UST: variants seen among roughly 807,000 people sequenced by gnomAD.
UST encodes uronyl 2-sulfotransferase.
UST carries 21 observed loss-of-function variants against 45.6 expected under a neutral mutation model. That is an observed-to-expected ratio of 0.46 (90% CI 0.33 to 0.66). The LOEUF is 0.66. Ranked by LOEUF, UST falls within the 30% of genes least tolerant of loss-of-function variation. The probability of loss-of-function intolerance (pLI) is 0.02; values close to 1 mark genes in which losing one functional copy is unlikely to be tolerated. For missense variants in UST, 463 were observed against 512.4 expected, an observed-to-expected ratio of 0.90 and a Z score of 0.93; for synonymous variants, 215 against 200.6, an observed-to-expected ratio of 1.07 and a Z score of -0.61.
chr6:148,901,927 G>C (rs907443450), intron 2 of UST, among the ~76,000 whole-genome samples: 2 of 152,144 alleles, frequency 1.3e-5, no homozygotes, highest in South Asian at 2.1e-4. Flanking sequence ...AACTGACAGA[G>C]GGCTGCAAGA....
At chr6:148,901,484 A>C (rs1248846032) in intron 2 of UST, among the ~76,000 whole-genome samples, 1 of 151,950 alleles carries the variant, frequency 6.6e-6, no homozygotes, top group Admixed American at 6.6e-5. Context: ...ACTGTGGCAC[A>C]GAGCAGAGAG....
chr6:148,958,053 AC>A (rs1780559024), intron 4 of UST, among the ~76,000 whole-genome samples: 1 of 152,200 alleles, frequency 6.6e-6, no homozygotes. Context: ...AAGGCATTAT[AC>A]CATAGCTAAT....
At chr6:148,954,548 T>G (rs562568387) in intron 4 of UST, among the ~76,000 whole-genome samples, 1 of 152,322 alleles carries the variant, frequency 6.6e-6, no homozygotes, top group Non-Finnish European at 1.5e-5. Flanking sequence ...TTCAGTATAG[T>G]CACATGCTGT....
intron 3 of UST, among the ~76,000 whole-genome samples, chr6:148,943,981 G>T (rs1780182500): frequency 6.6e-6 from 1 of 152,182 alleles, no homozygotes; most frequent in Non-Finnish European, 1.5e-5. Flanking sequence ...AACCCAGTTT[G>T]AAGTTCAACA....
intron 5 of UST, among the ~76,000 whole-genome samples, chr6:148,997,941 A>G (rs1404770390): frequency 1.3e-5 from 2 of 152,204 alleles, no homozygotes; most frequent in African/African-American, 4.8e-5. Flanking sequence ...GGGCTGGCCT[A>G]AAAAATAATC....
chr6:148,913,005 G>A (rs1442753848), intron 2 of UST, among the ~76,000 whole-genome samples: 1 of 152,166 alleles, frequency 6.6e-6, no homozygotes, highest in Admixed American at 6.6e-5. Flanking sequence ...ACGCTTCCAG[G>A]TTATTTTAAT....
chr6:148,986,378 A>T (rs1223751453), intron 5 of UST, among the ~76,000 whole-genome samples: 1 of 152,220 alleles, frequency 6.6e-6, no homozygotes, highest in Non-Finnish European at 1.5e-5. Context: ...GCCTCAGTTC[A>T]TACCACTAGT....
rs908373014 is a variant in UST, at chr6:149,003,732, C to T, written c.682-15407C>T. ...GACCACATAACCTGGCAAAATTCTG[C>T]GTATTTGGCAGCTCTTCCTGCCCCG... is the stretch of plus-strand genomic sequence containing the variant. On this transcript the variant is annotated intron_variant, in intron 5 of 7. Coordinates refer to ENST00000367463, the MANE Select transcript of UST (RefSeq NM_005715.3). Among the ~76,000 whole-genome samples the T allele has an allele frequency of 2.0e-5, 3 of 152,158 alleles. No homozygotes were observed. The East Asian group carries it at 5.8e-4, about 29-fold the overall frequency.
intron 5 of UST, among the ~76,000 whole-genome samples, chr6:148,999,067 T>C (rs1490493762): frequency 6.6e-6 from 1 of 152,258 alleles, no homozygotes; most frequent in Admixed American, 6.5e-5. Flanking sequence ...GAGTAGTTTA[T>C]AGGTCATATA....
intron 1 of UST, among the ~76,000 whole-genome samples, chr6:148,801,526 A>C (rs763551227): frequency 6.6e-6 from 1 of 152,104 alleles, no homozygotes; most frequent in Non-Finnish European, 1.5e-5. Context: ...GCCCATAATG[A>C]GGCCAGCATC....
At chr6:148,854,269 C>T (rs116024712) in intron 1 of UST, among the ~76,000 whole-genome samples, 201 of 152,272 alleles carry the variant, frequency 1.3e-3, no homozygotes, top group African/African-American at 4.4e-3. Context: ...GGAATTGGGG[C>T]GTGGACTTGT....
chr6:148,776,073 CAT>C (rs1776529263), intron 1 of UST, among the ~76,000 whole-genome samples: 1 of 152,124 alleles, frequency 6.6e-6, no homozygotes, highest in Non-Finnish European at 1.5e-5. Flanking sequence ...TTTTAAAGGA[CAT>C]GTGAATTCCA....
intron 2 of UST, among the ~76,000 whole-genome samples, chr6:148,929,293 C>T (rs575702125): frequency 1.8e-4 from 28 of 152,274 alleles, no homozygotes; most frequent in African/African-American, 6.5e-4. Context: ...TTAATCTAAG[C>T]CTAGCATGGT....
chr6:148,934,403 T>C lies in UST; in HGVS notation c.292-6876T>C, dbSNP rs1168027664. Among the ~76,000 whole-genome samples the C allele has an allele frequency of 6.6e-6, 1 of 152,254 alleles. No individual in the cohort carries two copies. The highest frequency in any genetic ancestry group is 2.4e-5 in the African/African-American group (1 of 41,472). ...AAGCAAAGTCATTTCACAGTCAGTA[T>C]AATATTCATGCTAAGGGTCTAATGC... On this transcript the variant is annotated intron_variant, in intron 2 of 7. Transcript: ENST00000367463. This position sits in a 1 kb window ranked among gnomAD's most constrained non-coding sequence, Gnocchi z 4.1.
rs185709540 is a variant in UST at position 148,765,793 on chromosome 6, T to C, written c.247+18116T>C. 1.5e-3 allele frequency among the ~76,000 whole-genome samples: 228 copies of C among 152,334 alleles called. 2 individuals carry two copies. Among genetic ancestry groups the C allele is most frequent in the African/African-American group, 5.4e-3 (223 of 41,556 alleles). Reference sequence around the variant, plus strand: ...ATGTCCATGAAATCTTCACAATTTATGTTCTTCTGCCTTCAGCCTGTCCCT... The same window carrying C: ...ATGTCCATGAAATCTTCACAATTTACGTTCTTCTGCCTTCAGCCTGTCCCT... On this transcript the variant is annotated intron_variant, in intron 1 of 7. Coordinates refer to ENST00000367463, the MANE Select transcript of UST (RefSeq NM_005715.3).
At chr6:148,800,683 A>C (rs894073535) in intron 1 of UST, among the ~76,000 whole-genome samples, 10 of 151,784 alleles carry the variant, frequency 6.6e-5, no homozygotes, top group Admixed American at 2.0e-4. Context: ...TTTTTCTTGC[A>C]TAGTTACTGT....
intron 5 of UST, among the ~76,000 whole-genome samples, chr6:148,968,264 G>A (rs1780843633): frequency 6.6e-6 from 1 of 152,202 alleles, no homozygotes; most frequent in South Asian, 2.1e-4. Context: ...GCATCTTATA[G>A]CTATACCTTA....
chr6:148,904,340 T>C (rs1779318281), intron 2 of UST, among the ~76,000 whole-genome samples: 1 of 152,180 alleles, frequency 6.6e-6, no homozygotes, highest in Non-Finnish European at 1.5e-5. Flanking sequence ...TCATGGATGA[T>C]GAATCCACAG....
rs1450285391 is a variant in UST, at chr6:148,748,296, G to A, written c.247+619G>A. On this transcript the variant is annotated intron_variant, in intron 1 of 7. Coordinates refer to ENST00000367463, the MANE Select transcript of UST (RefSeq NM_005715.3). This position sits in a 1 kb window ranked among gnomAD's most constrained non-coding sequence, Gnocchi z 5.3. Reference sequence around the variant, plus strand: ...GCGCGGGGAACGGGTTGCATCCAGGGGTTTGGGGATGCCCGAGGGCGCTGG... The same window carrying A: ...GCGCGGGGAACGGGTTGCATCCAGGAGTTTGGGGATGCCCGAGGGCGCTGG... Among the ~76,000 whole-genome samples, 3 of 152,244 alleles carry A rather than the reference G, an allele frequency of 2.0e-5. No homozygotes were observed. Among genetic ancestry groups the A allele is most frequent in the Middle Eastern group, 3.4e-3 (1 of 294 alleles).
Sources: allele counts gnomAD v4.1 joint callset (sites outside exome capture counted in the v4.1 genomes callset), GRCh38; gene constraint gnomAD v4.1.1; non-coding constraint Gnocchi (gnomAD v3.1); transcripts MANE v1.5; gene names NCBI Gene and HGNC (gene_info 2026-07-23, HGNC 2026-07-21).